Variants in STARD13 observed in about 807,000 individuals in gnomAD.
STARD13 encodes StAR related lipid transfer domain containing 13.
STARD13 carries 62 observed loss-of-function variants against 106.4 expected under a neutral mutation model. That is an observed-to-expected ratio of 0.58 (90% CI 0.48 to 0.72). The LOEUF (loss-of-function observed/expected upper bound fraction) is 0.72. Ranked by LOEUF, STARD13 falls within the 30% of genes least tolerant of loss-of-function variation. The probability of loss-of-function intolerance (pLI) is 0.00; values close to 1 mark genes in which losing one functional copy is unlikely to be tolerated. For synonymous variants in STARD13, 565 were observed against 553.0 expected, an observed-to-expected ratio of 1.02 and a Z score of -0.31; for missense variants, 1,387 against 1,424.0, an observed-to-expected ratio of 0.97 and a Z score of 0.42.
At chr13:33,478,354 C>T in the STARD13 span, among the ~76,000 whole-genome samples, 1 of 152,110 alleles carries the variant, frequency 6.6e-6, no homozygotes, top group African/African-American at 2.4e-5. Flanking sequence ...TTTGTAGGTG[C>T]CAAACCACTA....
At chr13:33,151,193 AG>A (rs151119059) in intron 3 of STARD13, among the ~76,000 whole-genome samples, 2,489 of 152,284 alleles carry the variant, frequency 0.016, 71 homozygotes, top group African/African-American at 0.055. Context: ...ATATATGAAA[AG>A]GGGTGTTAGT....
At chr13:33,265,209 T>G (rs1023594468) in intron 1 of STARD13, among the ~76,000 whole-genome samples, 4 of 151,900 alleles carry the variant, frequency 2.6e-5, no homozygotes, top group African/African-American at 9.7e-5. Flanking sequence ...AGTTAAACTC[T>G]ATATTAATAG....
the STARD13 span, among the ~76,000 whole-genome samples, chr13:33,555,334 G>C: frequency 3.3e-5 from 5 of 152,322 alleles, no homozygotes; most frequent in African/African-American, 1.2e-4. Flanking sequence ...AGGGGAGAGG[G>C]CTTGTTTATT....
At chr13:33,528,923 A>C in the STARD13 span, among the ~76,000 whole-genome samples, 1 of 152,160 alleles carries the variant, frequency 6.6e-6, no homozygotes, top group African/African-American at 2.4e-5. Flanking sequence ...GTAACTTGTG[A>C]CTTCAGCCAA....
chr13:33,299,212 G>A (rs937870629), intron 1 of STARD13, among the ~76,000 whole-genome samples: 1 of 152,130 alleles, frequency 6.6e-6, no homozygotes, highest in South Asian at 2.1e-4. Flanking sequence ...ATTCTATAAT[G>A]TTCACACAAC....
At chr13:33,460,547 T>C in the STARD13 span, among the ~76,000 whole-genome samples, 1 of 152,018 alleles carries the variant, frequency 6.6e-6, no homozygotes, top group Non-Finnish European at 1.5e-5. Flanking sequence ...GATATTTTAC[T>C]TCCTCCTTTG....
the STARD13 span, among the ~76,000 whole-genome samples, chr13:33,478,184 A>G: frequency 2.2e-4 from 34 of 152,270 alleles, no homozygotes; most frequent in African/African-American, 7.5e-4. Flanking sequence ...CTCCCATCCA[A>G]TGCAGCACCC....
chr13:33,158,985 C>T (rs2138323743), intron 3 of STARD13, among the ~76,000 whole-genome samples: 1 of 152,322 alleles, frequency 6.6e-6, no homozygotes, highest in South Asian at 2.1e-4. Context: ...GTTCGCACAC[C>T]TCCAGCCAAA....
At chr13:33,273,723 GT>G (rs1891274382) in intron 1 of STARD13, among the ~76,000 whole-genome samples, 1 of 152,178 alleles carries the variant, frequency 6.6e-6, no homozygotes, top group Non-Finnish European at 1.5e-5. Flanking sequence ...CGAGAGCTTA[GT>G]TTTTAAGTTG....
At chr13:33,556,134 A>G in the STARD13 span, among the ~76,000 whole-genome samples, 2 of 152,234 alleles carry the variant, frequency 1.3e-5, no homozygotes, top group Admixed American at 6.5e-5. Flanking sequence ...TAGATTTCTT[A>G]TGGAAAAATT....
At chr13:33,298,795 T>A (rs888850626) in intron 1 of STARD13, among the ~76,000 whole-genome samples, 1 of 152,124 alleles carries the variant, frequency 6.6e-6, no homozygotes, top group African/African-American at 2.4e-5. Context: ...TGCATGTAGC[T>A]TTTTGGAGAA....
At chr13:33,222,735 T>C (rs575146212) in intron 1 of STARD13, among the ~76,000 whole-genome samples, 1 of 152,370 alleles carries the variant, frequency 6.6e-6, no homozygotes, top group East Asian at 1.9e-4. Flanking sequence ...TAGCTATATG[T>C]TCTATGCACA....
chr13:33,368,613 C>T, the STARD13 span, among the ~76,000 whole-genome samples: 1 of 152,134 alleles, frequency 6.6e-6, no homozygotes, highest in East Asian at 1.9e-4. Context: ...CTACTATATC[C>T]TGGGCTCTGT....
At chr13:33,360,470 C>T in the STARD13 span, among the ~76,000 whole-genome samples, 1 of 151,782 alleles carries the variant, frequency 6.6e-6, no homozygotes, top group Non-Finnish European at 1.5e-5. Flanking sequence ...TCCCAAAATG[C>T]TGGGATTACA....
At chr13:33,131,425 G>A (rs564297738) in intron 4 of STARD13, among the ~76,000 whole-genome samples, 151 of 105,662 alleles carry the variant, frequency 1.4e-3, no homozygotes, top group Non-Finnish European at 1.9e-3. Flanking sequence ...AGTCCAAATC[G>A]AATCATATGA....
chr13:33,509,050 T>C, the STARD13 span, among the ~76,000 whole-genome samples: 1 of 152,212 alleles, frequency 6.6e-6, no homozygotes, highest in Non-Finnish European at 1.5e-5. Context: ...TATAATCTTA[T>C]GGGATCACCA....
chr13:33,428,678 G>T, the STARD13 span, among the ~76,000 whole-genome samples: 2 of 152,064 alleles, frequency 1.3e-5, no homozygotes, highest in African/African-American at 4.8e-5. Flanking sequence ...CAGTTAAAAA[G>T]CTTCTGACAG....
At chr13:33,374,860 G>T in the STARD13 span, among the ~76,000 whole-genome samples, 1 of 152,118 alleles carries the variant, frequency 6.6e-6, no homozygotes, top group South Asian at 2.1e-4. Flanking sequence ...GGGGAATCTT[G>T]CTAAATTGTA....
chr13:33,371,208 A>C, the STARD13 span, among the ~76,000 whole-genome samples: 2 of 152,192 alleles, frequency 1.3e-5, no homozygotes, highest in African/African-American at 4.8e-5. Context: ...AGTATGCTCT[A>C]GAAGAGGTCA....
Sources: gnomAD v4.1 joint callset for allele counts (sites outside exome capture counted in the v4.1 genomes callset) on GRCh38, gnomAD v4.1.1 for gene constraint, MANE v1.5 for transcripts, NCBI Gene and HGNC (gene_info 2026-07-23, HGNC 2026-07-21) for gene names.